Variants in KIAA0930 observed in about 807,000 individuals in gnomAD.
KIAA0930 encodes the protein KIAA0930, also known as uncharacterized protein KIAA0930.
A neutral mutation model predicts 43.9 loss-of-function variants in KIAA0930; 24 were observed. The observed-to-expected ratio is 0.55, with a 90% confidence interval of 0.40 to 0.77. KIAA0930 has a LOEUF of 0.77. KIAA0930 is among the 30% of genes least tolerant of loss of function. KIAA0930 has a pLI of 0.00. For missense variants in KIAA0930, 461 were observed against 574.2 expected (o/e 0.80, Z 2.02); for synonymous variants, 259 against 216.4 (o/e 1.20, Z -1.73).
chr22:45,211,461 G>C, intron 2 of KIAA0930: 3 of 401,068 alleles, frequency 7.5e-6, no homozygotes, highest in Non-Finnish European at 1.3e-5. Flanking sequence ...CACCCACCCT[G>C]TCGAGTTGTT....
chr22:45,201,706 G>A (rs1182765789), intron 7 of KIAA0930, among the ~76,000 whole-genome samples: 2 of 152,174 alleles, frequency 1.3e-5, no homozygotes, highest in East Asian at 3.8e-4. Flanking sequence ...AGCACTTGCT[G>A]TCTTTGGCTT....
At chr22:45,229,024 G>A (rs1258611746) in intron 1 of KIAA0930, among the ~76,000 whole-genome samples, 2 of 72,230 alleles carry the variant, frequency 2.8e-5, no homozygotes, top group Non-Finnish European at 4.8e-5. Context: ...ACACTCACCC[G>A]AAAGATCCCT....
intron 1 of KIAA0930, among the ~76,000 whole-genome samples, chr22:45,222,792 G>A (rs117620579): frequency 0.012 from 1,870 of 152,094 alleles, 78 homozygotes; most frequent in East Asian, 0.079. Context: ...AAAATGGCAC[G>A]GAAAGCAGAA....
At chr22:45,198,043 T>G in intron 8 of KIAA0930, 95 bp from the exon 9 acceptor site, 2 of 1,295,556 alleles carry the variant, frequency 1.5e-6, no homozygotes, top group Non-Finnish European at 2.2e-6. Context: ...GGCCAAACTC[T>G]GCTGAGGCCA....
rs1373975012 is a variant in KIAA0930, at chr22:45,212,560, G to A, written c.65-453C>T. On this transcript the variant is annotated intron_variant, in intron 1 of 9. Coordinates refer to ENST00000336156, the MANE Select transcript of KIAA0930 (RefSeq NM_001009880.2). ...TCCCCCTGGCTGCGGCAGTCCCAGC[G>A]GGAACCCGACTTAAAGGGACAGCCG... 23 of 1,395,944 alleles carry A rather than the reference G, an allele frequency of 1.6e-5. No individual in the cohort carries two copies. In the East Asian group the frequency reaches 1.8e-4, roughly 11 times the overall value. The allele number at this position is 1,395,944 out of a possible 1,614,324, so 86.5% of individuals were successfully genotyped here. A position where few individuals can be genotyped will look rare whatever the true frequency, so the allele number is the denominator to read the frequency against.
intron 1 of KIAA0930, among the ~76,000 whole-genome samples, chr22:45,237,173 T>G (rs1247113685): frequency 6.6e-6 from 1 of 152,268 alleles, no homozygotes; most frequent in African/African-American, 2.4e-5. Context: ...CTGAATCACC[T>G]GGTTCATCTG....
At chr22:45,216,293 T>C (rs536191598) in intron 1 of KIAA0930, among the ~76,000 whole-genome samples, 2 of 152,290 alleles carry the variant, frequency 1.3e-5, no homozygotes, top group African/African-American at 4.8e-5. Flanking sequence ...TCAGTGGTTC[T>C]ACCTGTCAGA....
rs1258658907 is a variant in KIAA0930, at chr22:45,205,830, C to T, written c.299G>A (p.Trp100Ter). Residue 100 changes from tryptophan (W) to a stop codon, truncating the protein, a stop_gained, in exon 3 of 10, where the codon TGG becomes TAG. Coordinates refer to ENST00000336156, the MANE Select transcript of KIAA0930 (RefSeq NM_001009880.2). LOFTEE classifies it high-confidence loss of function. ...LPGLGDPDID[W>*]EESVCLNLIL... Reference sequence around the variant, plus strand: ...GAGATTCAGGCAGACGCTCTCCTCCCAGTCGATGTCAGGGTCTCCCAGGCC... The same window carrying T: ...GAGATTCAGGCAGACGCTCTCCTCCTAGTCGATGTCAGGGTCTCCCAGGCC... 1 of 1,612,440 alleles carries T rather than the reference C, an allele frequency of 6.2e-7. No homozygotes were observed. The highest frequency in any genetic ancestry group is 8.5e-7 in the Non-Finnish European group (1 of 1,179,576).
intron 2 of KIAA0930, among the ~76,000 whole-genome samples, chr22:45,206,402 C>T (rs1449341376): frequency 6.6e-6 from 1 of 152,194 alleles, no homozygotes; most frequent in East Asian, 1.9e-4. Flanking sequence ...GCCTCAGTTT[C>T]TTCATCTGTA....
Position 45,202,998 on chromosome 22 carries a change from G to C in KIAA0930, c.844C>G (p.His282Asp). The change falls in exon 7 of 10, where the codon CAC becomes GAC. Residue 282 changes from histidine (H) to aspartate (D), a missense_variant. Transcript: ENST00000336156. ...EEDSSPASPM[H>D]ERVTSFSTPP... is the part of the protein sequence containing the mutation. ...AGCTGTGCAGCCCTTACCCGCTCGT[G>C]CATGGGCGAAGCTGGGCTGGAGTCC... 6.2e-7 allele frequency: 1 copy of C among 1,608,292 alleles called. No individual in the cohort carries two copies. Among genetic ancestry groups the C allele is most frequent in the Non-Finnish European group, 8.5e-7 (1 of 1,177,330 alleles).
At chr22:45,199,444 G>T (rs2083566825) in intron 8 of KIAA0930, among the ~76,000 whole-genome samples, 1 of 152,218 alleles carries the variant, frequency 6.6e-6, no homozygotes, top group Non-Finnish European at 1.5e-5. Context: ...AGAGCCAGGA[G>T]GGCCAGGCCT....
Position 45,197,911 on chromosome 22 carries a change from G to T in KIAA0930, c.1053C>A (p.Ser351=), listed in dbSNP as rs1427175630. 1.2e-6 allele frequency: 2 copies of T among 1,614,200 alleles called. No homozygotes were observed. Among genetic ancestry groups the T allele is most frequent in the Non-Finnish European group, 1.7e-6 (2 of 1,180,030 alleles). Residue 351 remains serine (S), a synonymous_variant, in exon 9 of 10, where the codon TCC becomes TCA. Transcript: ENST00000336156. Reference sequence around the variant, plus strand: ...CCAGGGACCGTCCTGTGCCCGACAGGGACCGAGACCGCAGGTTGGTTGCAT... The same window carrying T: ...CCAGGGACCGTCCTGTGCCCGACAGTGACCGAGACCGCAGGTTGGTTGCAT... The part of the protein sequence containing the change: ...LHNATNLRSR[S]LSGTGRSLVG...
intron 2 of KIAA0930, among the ~76,000 whole-genome samples, chr22:45,210,373 G>C (rs2083681902): frequency 6.6e-6 from 1 of 152,140 alleles, no homozygotes; most frequent in Non-Finnish European, 1.5e-5. Flanking sequence ...GTGCAGAGGT[G>C]AGAGGAGCCT....
At chr22:45,209,148 T>C (rs927373241) in intron 2 of KIAA0930, among the ~76,000 whole-genome samples, 2 of 152,190 alleles carry the variant, frequency 1.3e-5, no homozygotes, top group East Asian at 3.9e-4. Flanking sequence ...CTCCTGCCCA[T>C]CCACGCTCCC....
At position 45,205,817 on chromosome 22, in the gene KIAA0930, G is replaced by T. The variant is rs766786704; in HGVS notation, c.312C>A (p.Val104=). ...GDPDIDWEES[V]CLNLILQKLD... The stretch of plus-strand genomic sequence containing the variant: ...CCTTCTGCAGGATGAGATTCAGGCA[G>T]ACGCTCTCCTCCCAGTCGATGTCAG... The change falls in exon 3 of 10, where the codon GTC becomes GTA. Residue 104 remains valine (V), a synonymous_variant. Transcript: ENST00000336156. The T allele has an allele frequency of 1.4e-6, 2 of 1,464,454 alleles. No homozygotes were observed. The highest frequency in any genetic ancestry group is 3.0e-5 in the African/African-American group (2 of 65,658). 90.7% of individuals were successfully genotyped at this position (1,464,454 alleles called of 1,614,324 possible). A position where few individuals can be genotyped will look rare whatever the true frequency, so the allele number is the denominator to read the frequency against.
At chr22:45,227,937 T>C (rs1569083361) in intron 1 of KIAA0930, among the ~76,000 whole-genome samples, 1 of 152,180 alleles carries the variant, frequency 6.6e-6, no homozygotes, top group Non-Finnish European at 1.5e-5. Flanking sequence ...CCCTCCTCCC[T>C]GGATCAGGAG....
chr22:45,207,152 G>C (rs11705492), intron 2 of KIAA0930, among the ~76,000 whole-genome samples: 36,474 of 148,016 alleles, frequency 0.25, 4,613 homozygotes, highest in Non-Finnish European at 0.29. Context: ...GATTACAGGT[G>C]TCTGCCACCA....
At chr22:45,213,196 TG>T in intron 1 of KIAA0930, 1 of 761,442 alleles carries the variant, frequency 1.3e-6, no homozygotes, top group South Asian at 1.6e-5. Flanking sequence ...ACCCCAGCCT[TG>T]GTTGACGTCA....
intron 1 of KIAA0930, among the ~76,000 whole-genome samples, chr22:45,234,882 T>A (rs9615077): frequency 0.38 from 58,342 of 152,120 alleles, 12,480 homozygotes; most frequent in South Asian, 0.5. Flanking sequence ...AGTACTCTTT[T>A]AAAAACCTCT....
Sources: allele counts gnomAD v4.1 joint callset (sites outside exome capture counted in the v4.1 genomes callset), GRCh38; gene constraint gnomAD v4.1.1; transcripts MANE v1.5; gene names NCBI Gene and HGNC (gene_info 2026-07-23, HGNC 2026-07-21).